Variants in FHAD1 observed in about 807,000 individuals in gnomAD.
FHAD1 encodes forkhead associated phosphopeptide binding domain 1, also known as forkhead-associated domain-containing protein 1.
FHAD1 carries 146 observed loss-of-function variants against 191.3 expected under a neutral mutation model. That is an observed-to-expected ratio of 0.76 (90% CI 0.67 to 0.88). The LOEUF (loss-of-function observed/expected upper bound fraction) is 0.88. FHAD1 is among the 40% of genes least tolerant of loss of function. FHAD1 has a pLI of 0.00. For synonymous variants in FHAD1, 616 were observed against 672.3 expected (o/e 0.92, Z 1.29); for missense variants, 1,635 against 1,785.8 (o/e 0.92, Z 1.52).
intron 1 of FHAD1, 46 bp from the exon 2 acceptor site, chr1:15,251,725 G>C: frequency 7.1e-7 from 1 of 1,404,208 alleles, no homozygotes; most frequent in Non-Finnish European, 9.7e-7. Flanking sequence ...TGAATAATTA[G>C]AGAACTACAT....
intron 3 of FHAD1, among the ~76,000 whole-genome samples, chr1:15,278,117 T>G (rs114833437): frequency 5.9e-4 from 90 of 152,154 alleles, no homozygotes; most frequent in Non-Finnish European, 1.0e-3. Flanking sequence ...ATTCAGACCA[T>G]CTCCTGTTTT....
At chr1:15,282,022 G>A (rs950751718) in intron 3 of FHAD1, among the ~76,000 whole-genome samples, 1 of 152,074 alleles carries the variant, frequency 6.6e-6, no homozygotes, top group Non-Finnish European at 1.5e-5. Context: ...CCACTGGAGC[G>A]CTTTTGGGTT....
rs548610541 is a variant in FHAD1, at chr1:15,247,339, C to T, written c.-71C>T. 2.1e-5 allele frequency: 5 copies of T among 235,700 alleles called. No homozygotes were observed. The highest frequency in any genetic ancestry group is 1.8e-4 in the East Asian group (1 of 5,550). The allele number at this position is 235,700 out of a possible 1,614,324, so 14.6% of individuals were successfully genotyped here. ...TCGCCCCGGAGCTGGCCCGACGCCTCCCGAGCTGGCAGGGCTCTCGGCGGA... is the reference window on the plus strand; with the variant it reads ...TCGCCCCGGAGCTGGCCCGACGCCTTCCGAGCTGGCAGGGCTCTCGGCGGA... On this transcript the variant is annotated 5_prime_UTR_variant, in exon 1 of 34. Transcript: ENST00000688493.
At position 15,345,542 on chromosome 1, in the gene FHAD1, A is replaced by G; in HGVS notation, c.2346+19A>G. On this transcript the variant is annotated intron_variant, in intron 18 of 33. Transcript: ENST00000688493. ...GAAGGAGGTACGCTCGGGGAGATAG[A>G]GTCGGCTGAGCCCCAGTCGGCTTGA... The G allele has an allele frequency of 1.3e-6, 2 of 1,544,926 alleles. No homozygotes were observed. The highest frequency in any genetic ancestry group is 2.0e-5 in the Admixed American group (1 of 50,984).
chr1:15,324,433 G>A lies in FHAD1; in HGVS notation c.1366-19G>A, dbSNP rs554344706. 690 of 1,527,830 alleles carry A rather than the reference G, an allele frequency of 4.5e-4. 1 individual carries two copies. The highest frequency in any genetic ancestry group is 3.5e-3 in the Middle Eastern group (21 of 5,946). The allele number at this position is 1,527,830 out of a possible 1,614,324, so 94.6% of individuals were successfully genotyped here. ...ATGATCACATTAGCAGCAAGTACTC[G>A]CTTTCATCGTCATTTCAGGTTGAAG... On this transcript the variant is annotated intron_variant, in intron 10 of 33. Coordinates refer to ENST00000688493, the MANE Select transcript of FHAD1 (RefSeq NM_001391957.1).
intron 14 of FHAD1, among the ~76,000 whole-genome samples, chr1:15,330,334 T>G (rs368895521): frequency 6.6e-6 from 1 of 152,144 alleles, no homozygotes; most frequent in Non-Finnish European, 1.5e-5. Context: ...CAACAAATAG[T>G]GATTGCATGC....
At chr1:15,317,985 A>T (rs750651839) in intron 10 of FHAD1, 57 bp downstream of exon 10, 260 of 1,127,590 alleles carry the variant, frequency 2.3e-4, no homozygotes, top group Admixed American at 6.6e-4. Flanking sequence ...CCCACTCATC[A>T]TCCCTGTTAG....
In FHAD1 at chr1:15,272,304, T is replaced by G. The variant is rs1376414968; in HGVS notation, c.94-19T>G. ...ATTTTTGTTTTCATGGCTACGACTG[T>G]CCTCCTTCTCCGTTGCAGTCTCCTG... On this transcript the variant is annotated intron_variant, in intron 2 of 33. Transcript: ENST00000688493. The G allele has an allele frequency of 1.4e-5, 21 of 1,543,426 alleles. No homozygotes were observed. Among genetic ancestry groups the G allele is most frequent in the Non-Finnish European group, 1.8e-5 (20 of 1,139,962 alleles).
At chr1:15,270,147 G>A (rs1655288246) in intron 2 of FHAD1, among the ~76,000 whole-genome samples, 1 of 152,014 alleles carries the variant, frequency 6.6e-6, no homozygotes, top group Admixed American at 6.5e-5. Flanking sequence ...CTGACCTCAG[G>A]GGATCTGCCC....
Position 15,360,494 on chromosome 1 carries a change from G to T in FHAD1, c.2753G>T (p.Arg918Leu). 1.3e-6 allele frequency: 2 copies of T among 1,551,290 alleles called. No homozygotes were observed. Among genetic ancestry groups the T allele is most frequent in the Middle Eastern group, 1.7e-4 (1 of 5,782 alleles). Residue 918 changes from arginine (R) to leucine (L), a missense_variant, in exon 22 of 34, where the codon CGG becomes CTG. Coordinates refer to ENST00000688493, the MANE Select transcript of FHAD1 (RefSeq NM_001391957.1). ...GTTTCCCAGATCATGGTGGAAGAGC[G>T]GCTAATCCTGCAGCAGAAGATGGTA... ...TKTKMIMVEERLILQQKMVKA... is the reference protein window; with the variant it reads ...TKTKMIMVEELLILQQKMVKA...
chr1:15,322,553 G>A (rs973449451), intron 10 of FHAD1, among the ~76,000 whole-genome samples: 6 of 152,222 alleles, frequency 3.9e-5, no homozygotes, highest in South Asian at 2.1e-4. Flanking sequence ...CACTAGCCAC[G>A]TGTGGCCATT....
chr1:15,246,016 T>G (rs900520042), upstream of FHAD1, among the ~76,000 whole-genome samples: 4 of 152,232 alleles, frequency 2.6e-5, no homozygotes, highest in Admixed American at 1.3e-4. Flanking sequence ...CTGAATAATT[T>G]ACAAAGAAAA....
In FHAD1 at chr1:15,375,695, G is replaced by C; in HGVS notation, c.3670G>C (p.Asp1224His). The C allele has an allele frequency of 6.5e-7, 1 of 1,546,542 alleles. No homozygotes were observed. The highest frequency in any genetic ancestry group is 8.7e-7 in the Non-Finnish European group (1 of 1,145,616). Residue 1224 changes from aspartate (D) to histidine (H), a missense_variant, in exon 28 of 34, where the codon GAT becomes CAT. By Grantham distance (81) the Asp-to-His change is moderately conservative (BLOSUM62 -1). Transcript: ENST00000688493. Reference sequence around the variant, plus strand: ...GAAAATACTACTGGATGCAAAACCGGATTTGCCAACTCTCTCAAGAATAGA... The same window carrying C: ...GAAAATACTACTGGATGCAAAACCGCATTTGCCAACTCTCTCAAGAATAGA... The part of the protein sequence containing the change: ...VQKILLDAKP[D>H]LPTLSRIEIL...
chr1:15,347,817 A>G (rs1689454228), intron 18 of FHAD1, among the ~76,000 whole-genome samples: 1 of 152,230 alleles, frequency 6.6e-6, no homozygotes, highest in Non-Finnish European at 1.5e-5. Flanking sequence ...TCACTAGGTC[A>G]TAATCTGGGT....
In FHAD1 at chr1:15,302,459, C is replaced by T. The variant is rs1296383248; in HGVS notation, c.915+1018C>T. ...GGTCAGTGATGGCTGGGCGCGGTGGCGCACGCCTGTAATCCCAGCGCTTCG... is the reference window on the plus strand; with the variant it reads ...GGTCAGTGATGGCTGGGCGCGGTGGTGCACGCCTGTAATCCCAGCGCTTCG... On this transcript the variant is annotated intron_variant, in intron 6 of 33. Coordinates refer to ENST00000688493, the MANE Select transcript of FHAD1 (RefSeq NM_001391957.1). Among the ~76,000 whole-genome samples the T allele has an allele frequency of 3.3e-5, 5 of 151,964 alleles. 1 individual carries two copies. In the South Asian group the frequency reaches 6.2e-4, roughly 19 times the overall value.
Position 15,289,327 on chromosome 1 carries a change from G to C in FHAD1, c.301-72G>C. On this transcript the variant is annotated intron_variant, in intron 3 of 33. Coordinates refer to ENST00000688493, the MANE Select transcript of FHAD1 (RefSeq NM_001391957.1). The surrounding 1 kb of genome is among the most constrained non-coding windows in gnomAD (Gnocchi z 4.2). ...AACCAAGACCTTGGGCAGCAATGCTGTGGCTGGGACAAAGAAATGGAGACC... is the reference window on the plus strand; with the variant it reads ...AACCAAGACCTTGGGCAGCAATGCTCTGGCTGGGACAAAGAAATGGAGACC... 1 of 1,501,658 alleles carries C rather than the reference G, an allele frequency of 6.7e-7. No individual in the cohort carries two copies. The highest frequency in any genetic ancestry group is 8.9e-7 in the Non-Finnish European group (1 of 1,119,142). The allele number at this position is 1,501,658 out of a possible 1,614,324, so 93.0% of individuals were successfully genotyped here.
At position 15,313,191 on chromosome 1, in the gene FHAD1, A is replaced by G. The variant is rs1406817830; in HGVS notation, c.1170+4A>G. The G allele has an allele frequency of 6.4e-7, 1 of 1,551,876 alleles. No homozygotes were observed. Among genetic ancestry groups the G allele is most frequent in the Non-Finnish European group, 8.7e-7 (1 of 1,146,996 alleles). On this transcript the variant is annotated splice_donor_region_variant and intron_variant, in intron 8 of 33. Transcript: ENST00000688493. Reference sequence around the variant, plus strand: ...GCTGGAAGCCCTTGGCTCTAGAGTGAGTAAGGATGACTGCGTCACCTTGTA... The same window carrying G: ...GCTGGAAGCCCTTGGCTCTAGAGTGGGTAAGGATGACTGCGTCACCTTGTA...
intron 14 of FHAD1, among the ~76,000 whole-genome samples, chr1:15,332,329 G>A (rs142675763): frequency 5.4e-4 from 82 of 152,264 alleles, no homozygotes; most frequent in East Asian, 1.9e-4. Context: ...GCCAAGCTAC[G>A]TGTGCACTGT....
At position 15,312,052 on chromosome 1, in the gene FHAD1, G is replaced by A. The variant is rs1672435904; in HGVS notation, c.1040-1005G>A. The A allele has an allele frequency of 6.6e-6, 1 of 152,270 alleles. No homozygotes were observed. Among genetic ancestry groups the A allele is most frequent in the Admixed American group, 6.5e-5 (1 of 15,284 alleles). The allele number at this position is 152,270 out of a possible 1,614,324, so 9.4% of individuals were successfully genotyped here. On this transcript the variant is annotated intron_variant, in intron 7 of 33. Transcript: ENST00000688493. The surrounding 1 kb of genome is among the most constrained non-coding windows in gnomAD (Gnocchi z 4.7). ...GCTGCTTGAGTGTCCTCACAACATGGCGGTTGGCTTTCCCCAGACTGAGTG... is the reference window on the plus strand; with the variant it reads ...GCTGCTTGAGTGTCCTCACAACATGACGGTTGGCTTTCCCCAGACTGAGTG...
Sources: allele counts gnomAD v4.1 joint callset (sites outside exome capture counted in the v4.1 genomes callset), GRCh38; gene constraint gnomAD v4.1.1; non-coding constraint Gnocchi (gnomAD v3.1); transcripts MANE v1.5; gene names NCBI Gene and HGNC (gene_info 2026-07-23, HGNC 2026-07-21).